GCNT2: variants seen among roughly 807,000 people sequenced by gnomAD.
GCNT2 encodes the protein N-acetyllactosaminide beta-1,6-N-acetylglucosaminyl-transferase.
Under a neutral mutation model 34.2 loss-of-function variants are expected in GCNT2, and 34 were observed. That is an observed-to-expected ratio of 1.00 (90% CI 0.76 to 1.32). The LOEUF (loss-of-function observed/expected upper bound fraction) is 1.32. Ranked by LOEUF, GCNT2 falls within the 40% of genes most tolerant of loss-of-function variation. The pLI, the probability that GCNT2 is intolerant of heterozygous loss-of-function variation, is 0.00. For synonymous variants in GCNT2, 212 were observed against 188.0 expected (o/e 1.13, Z -1.04); for missense variants, 584 against 489.4 (o/e 1.19, Z -1.82).
chr6:10,533,509 C>A (rs755411712), intron 3 of GCNT2, among the ~76,000 whole-genome samples: 15 of 151,680 alleles, frequency 9.9e-5, no homozygotes, highest in Non-Finnish European at 1.8e-4. Flanking sequence ...TATTTTATGC[C>A]AGGTGTGGTG....
At chr6:10,533,723 A>C (rs1761613134) in intron 3 of GCNT2, among the ~76,000 whole-genome samples, 1 of 148,798 alleles carries the variant, frequency 6.7e-6, no homozygotes, top group African/African-American at 2.5e-5. Flanking sequence ...ATTTAGGAGA[A>C]CCAGGAGGCA....
intron 3 of GCNT2, among the ~76,000 whole-genome samples, chr6:10,582,614 A>G (rs1241599083): frequency 7.6e-6 from 1 of 131,764 alleles, no homozygotes; most frequent in Non-Finnish European, 1.6e-5. Context: ...ATTTATATAA[A>G]TATATATATT....
intron 3 of GCNT2, among the ~76,000 whole-genome samples, chr6:10,601,407 A>G (rs906444651): frequency 1.3e-5 from 2 of 152,176 alleles, no homozygotes; most frequent in Non-Finnish European, 2.9e-5. Flanking sequence ...TTTTATTCTG[A>G]AAACACATGT....
chr6:10,524,849 AAAGG>A (rs1033823393), intron 1 of GCNT2, among the ~76,000 whole-genome samples: 1 of 143,106 alleles, frequency 7.0e-6, no homozygotes, highest in Non-Finnish European at 1.5e-5. Flanking sequence ...AAAAAAAAGA[AAAGG>A]AAAGAAAGAA....
chr6:10,599,554 G>A (rs1765010579), intron 3 of GCNT2, among the ~76,000 whole-genome samples: 1 of 152,164 alleles, frequency 6.6e-6, no homozygotes, highest in South Asian at 2.1e-4. Context: ...TTAGACATGA[G>A]GCCATGTACC....
intron 3 of GCNT2, among the ~76,000 whole-genome samples, chr6:10,603,066 A>T (rs907686049): frequency 2.6e-5 from 4 of 152,216 alleles, no homozygotes; most frequent in Admixed American, 2.6e-4. Flanking sequence ...TTATTACTTG[A>T]TGTTCAAGTG....
chr6:10,555,570 G>C (rs1175479565), intron 3 of GCNT2: 1 of 162,624 alleles, frequency 6.1e-6, no homozygotes, highest in Non-Finnish European at 1.3e-5. Flanking sequence ...AGTGGATGTA[G>C]CTCACGACTT....
rs761138618 is a variant in GCNT2 at position 10,626,433 on chromosome 6, T to C, written c.1035T>C (p.Gly345=). Residue 345 remains glycine, a synonymous_variant, in exon 5 of 5, where the codon GGT becomes GGC. Coordinates refer to ENST00000495262, the MANE Select transcript of GCNT2 (RefSeq NM_145649.5). ...HGGCHGHYVH[G]ICIYGNGDLK... is the part of the protein sequence containing the mutation. ...CTTTTGCAGGCCACTATGTACATGG[T>C]ATTTGTATCTATGGAAACGGAGACT... The C allele has an allele frequency of 1.2e-6, 2 of 1,612,456 alleles. No homozygotes were observed. Among genetic ancestry groups the C allele is most frequent in the Admixed American group, 3.3e-5 (2 of 60,018 alleles).
chr6:10,563,775 AAAATATATATATATAT>A (rs1262697563), intron 3 of GCNT2, among the ~76,000 whole-genome samples: 39 of 30,458 alleles, frequency 1.3e-3, no homozygotes, highest in African/African-American at 4.0e-3. Flanking sequence ...AAAAAAAAAA[AAAATATATATATATAT>A]ATATATATAT....
chr6:10,557,363 C>T, intron 3 of GCNT2: 1 of 1,583,728 alleles, frequency 6.3e-7, no homozygotes, highest in Non-Finnish European at 8.7e-7. Flanking sequence ...TTCCATATTT[C>T]ATGCAAAAGA....
At chr6:10,556,657 G>T in intron 3 of GCNT2, 1 of 1,614,126 alleles carries the variant, frequency 6.2e-7, no homozygotes, top group South Asian at 1.1e-5. Context: ...ACTTGACCCA[G>T]AGCCACTACA....
chr6:10,561,690 C>T (rs183885302), intron 3 of GCNT2, among the ~76,000 whole-genome samples: 47 of 152,338 alleles, frequency 3.1e-4, no homozygotes, highest in Middle Eastern at 3.4e-3. Flanking sequence ...TTTTCCCTCG[C>T]TGCACTAAGT....
In GCNT2 at chr6:10,529,835, C is replaced by T. The variant is rs368649009; in HGVS notation, c.924C>T (p.Pro308=). The T allele has an allele frequency of 5.6e-6, 9 of 1,608,234 alleles. No homozygotes were observed. Among genetic ancestry groups the T allele is most frequent in the East Asian group, 4.5e-5 (2 of 44,878 alleles). Reference sequence around the variant, plus strand: ...TCTGGGTGACACTCAACAGGATTCCCGGTATGTACGTCTCTTAACTTTTAT... The same window carrying T: ...TCTGGGTGACACTCAACAGGATTCCTGGTATGTACGTCTCTTAACTTTTAT... ...EHFWVTLNRI[P]GVPGSMPNAS... The change falls in exon 3 of 5, where the codon CCC becomes CCT. Residue 308 remains proline, a splice_region_variant and synonymous_variant. Transcript: ENST00000495262.
intron 4 of GCNT2, among the ~76,000 whole-genome samples, chr6:10,622,069 G>C (rs2127445356): frequency 6.6e-6 from 1 of 152,308 alleles, no homozygotes; most frequent in East Asian, 1.9e-4. Flanking sequence ...TTGGAGAGCT[G>C]TCGGGGTTTG....
At chr6:10,559,200 G>T (rs963312785) in intron 3 of GCNT2, among the ~76,000 whole-genome samples, 13 of 151,444 alleles carry the variant, frequency 8.6e-5, no homozygotes, top group African/African-American at 2.4e-4. Context: ...AAGGGAAAAA[G>T]AATTCCCCTT....
In GCNT2 at chr6:10,529,441, T is replaced by C; in HGVS notation, c.530T>C (p.Leu177Pro). 1 of 1,614,136 alleles carries C rather than the reference T, an allele frequency of 6.2e-7. No homozygotes were observed. The change falls in exon 3 of 5, where the codon CTT becomes CCT. Residue 177 changes from leucine to proline, a missense_variant. Coordinates refer to ENST00000495262, the MANE Select transcript of GCNT2 (RefSeq NM_145649.5). ...GCTGACCTGAACTGCCTGGAAGACC[T>C]TGTGGCCTCTGAAGTTCCCTGGAAG... The part of the protein sequence containing the change: ...LQADLNCLED[L>P]VASEVPWKYV...
chr6:10,597,036 A>G (rs1764882335), intron 3 of GCNT2, among the ~76,000 whole-genome samples: 1 of 152,144 alleles, frequency 6.6e-6, no homozygotes, highest in Non-Finnish European at 1.5e-5. Context: ...ACTACTTAAC[A>G]GCTTGTCAGT....
At chr6:10,525,477 G>A (rs1037200146) in intron 1 of GCNT2, among the ~76,000 whole-genome samples, 6 of 152,006 alleles carry the variant, frequency 3.9e-5, no homozygotes, top group African/African-American at 1.5e-4. Flanking sequence ...TCACACAAAC[G>A]CAAGAGCCTA....
At chr6:10,576,573 A>G (rs1045289236) in intron 3 of GCNT2, among the ~76,000 whole-genome samples, 5 of 152,184 alleles carry the variant, frequency 3.3e-5, no homozygotes, top group Non-Finnish European at 7.3e-5. Flanking sequence ...ATCCAGAGGA[A>G]GAAGCATTTG....
Sources: gnomAD v4.1 joint callset for allele counts (sites outside exome capture counted in the v4.1 genomes callset) on GRCh38, gnomAD v4.1.1 for gene constraint, MANE v1.5 for transcripts, NCBI Gene and HGNC (gene_info 2026-07-23, HGNC 2026-07-21) for gene names.